The following CHSY1 variants were observed in gnomAD, a reference collection of about 807,000 sequenced individuals.
The protein encoded by CHSY1 is N-acetylgalactosaminyl-proteoglycan 3-beta-glucuronosyltransferase 1.
A neutral mutation model predicts 59.8 loss-of-function variants in CHSY1; 13 were observed. The observed-to-expected ratio is 0.22, with a 90% CI of 0.14 to 0.35. CHSY1 has a LOEUF of 0.35. Ranked by LOEUF, CHSY1 falls within the 10% of genes least tolerant of loss-of-function variation. The pLI, the probability that CHSY1 is intolerant of heterozygous loss-of-function variation, is 1.00. For synonymous variants in CHSY1, 459 were observed against 401.2 expected (o/e 1.14, Z -1.72); for missense variants, 947 against 1,030.6 (o/e 0.92, Z 1.11).
intron 2 of CHSY1, among the ~76,000 whole-genome samples, chr15:101,204,252 G>A (rs978853049): frequency 1.3e-5 from 2 of 151,964 alleles, no homozygotes; most frequent in Non-Finnish European, 1.5e-5. Flanking sequence ...TGGCCAATAT[G>A]GCGAAACCCC....
intron 2 of CHSY1, among the ~76,000 whole-genome samples, chr15:101,218,621 T>C (rs926904168): frequency 6.6e-6 from 1 of 152,042 alleles, no homozygotes; most frequent in African/African-American, 2.4e-5. Flanking sequence ...AAGTTAAACT[T>C]ACGTTAAAAC....
At chr15:101,206,427 G>T (rs1038924095) in intron 2 of CHSY1, among the ~76,000 whole-genome samples, 1 of 152,108 alleles carries the variant, frequency 6.6e-6, no homozygotes, top group African/African-American at 2.4e-5. Context: ...CACAGGCAGG[G>T]GTAGCAGCTC....
chr15:101,197,691 T>G (rs533695476), intron 2 of CHSY1, among the ~76,000 whole-genome samples: 84 of 152,330 alleles, frequency 5.5e-4, no homozygotes, highest in African/African-American at 1.9e-3. Context: ...TAAATTACTA[T>G]ACAGCAAAAC....
intron 2 of CHSY1, among the ~76,000 whole-genome samples, chr15:101,180,301 T>C (rs1045857474): frequency 6.6e-6 from 1 of 152,178 alleles, no homozygotes; most frequent in Non-Finnish European, 1.5e-5. Context: ...AGTCCGGTCT[T>C]AGAGCAAGAA....
rs543528849 is a variant in CHSY1 at position 101,209,720 on chromosome 15, G to T, written c.816+25362C>A. ...ATATTTTCTATGTTTAATTCTCAGG[G>T]CAGGTTATAAATAGTGAATCAGAAA... On this transcript the variant is annotated intron_variant, in intron 2 of 2. Coordinates refer to ENST00000254190, the MANE Select transcript of CHSY1 (RefSeq NM_014918.5). Among the ~76,000 whole-genome samples the T allele has an allele frequency of 2.0e-5, 3 of 152,296 alleles. No homozygotes were observed. The South Asian group carries it at 6.2e-4, about 32-fold the overall frequency.
At chr15:101,241,876 CCA>C (rs1482202257) in intron 1 of CHSY1, among the ~76,000 whole-genome samples, 6 of 152,288 alleles carry the variant, frequency 3.9e-5, no homozygotes, top group African/African-American at 1.4e-4. Context: ...ACCCCAAAAT[CCA>C]CAGACGCTTT....
At chr15:101,204,324 C>T (rs1225694823) in intron 2 of CHSY1, among the ~76,000 whole-genome samples, 1 of 150,910 alleles carries the variant, frequency 6.6e-6, no homozygotes, top group Non-Finnish European at 1.5e-5. Flanking sequence ...ATCCCAGCTA[C>T]TCGGGAGGGT....
Position 101,178,076 on chromosome 15 carries a change from G to C in CHSY1, c.1721C>G (p.Ser574Cys). The change falls in exon 3 of 3, where the codon TCT becomes TGT. Residue 574 changes from serine to cysteine, a missense_variant. Ser to Cys is a moderately radical substitution (Grantham distance 112). Coordinates refer to ENST00000254190, the MANE Select transcript of CHSY1 (RefSeq NM_014918.5). ...TTTGGCCTTGTCAGGGTTGGAGTCA[G>C]AATTGAAAAGCAGAACCACGAGCTT... ...NVKLVVLLFN[S>C]DSNPDKAKQV... 6.2e-7 allele frequency: 1 copy of C among 1,614,198 alleles called. No individual in the cohort carries two copies. Among genetic ancestry groups the C allele is most frequent in the Middle Eastern group, 1.6e-4 (1 of 6,062 alleles).
Position 101,178,995 on chromosome 15 carries a change from A to T in CHSY1, c.817-15T>A. ...AGCTGCTGCATCTGTTACAGGAAAA[A>T]AAAGAGATCACAAATTTAGTATTGT... On this transcript the variant is annotated splice_polypyrimidine_tract_variant and intron_variant, in intron 2 of 2. Coordinates refer to ENST00000254190, the MANE Select transcript of CHSY1 (RefSeq NM_014918.5). 1 of 1,613,088 alleles carries T rather than the reference A, an allele frequency of 6.2e-7. No individual in the cohort carries two copies. Among genetic ancestry groups the T allele is most frequent in the Admixed American group, 1.7e-5 (1 of 60,032 alleles).
rs752688876 is a variant in CHSY1 at position 101,243,037 on chromosome 15, A to G, written c.321-7460T>C. On this transcript the variant is annotated intron_variant, in intron 1 of 2. Transcript: ENST00000254190. Reference sequence around the variant, plus strand: ...TAGACTTGAGGGGAAAGCAAGCAGTAAAGAGCCCTTTTTTTTCTTAATTAA... The same window carrying G: ...TAGACTTGAGGGGAAAGCAAGCAGTGAAGAGCCCTTTTTTTTCTTAATTAA... 1.3e-3 allele frequency among the ~76,000 whole-genome samples: 191 copies of G among 152,330 alleles called. 1 individual carries two copies. The highest frequency in any genetic ancestry group is 2.0e-3 in the Non-Finnish European group (139 of 68,034).
chr15:101,221,714 T>G (rs1325948502), intron 2 of CHSY1, among the ~76,000 whole-genome samples: 4 of 152,180 alleles, frequency 2.6e-5, no homozygotes, highest in Non-Finnish European at 5.9e-5. Flanking sequence ...ATAAAAGTTG[T>G]GTCTTTAAAA....
intron 1 of CHSY1, among the ~76,000 whole-genome samples, chr15:101,248,054 T>A (rs562729758): frequency 1.2e-4 from 18 of 152,258 alleles, no homozygotes; most frequent in African/African-American, 2.4e-4. Context: ...TTGTTTTTTT[T>A]AAAAAACAAA....
intron 1 of CHSY1, among the ~76,000 whole-genome samples, chr15:101,238,579 TC>T (rs1301791330): frequency 6.6e-6 from 1 of 152,220 alleles, no homozygotes; most frequent in Non-Finnish European, 1.5e-5. Context: ...CCAATCATAA[TC>T]CCATGACGCC....
At chr15:101,208,484 G>A (rs1282257524) in intron 2 of CHSY1, among the ~76,000 whole-genome samples, 4 of 152,126 alleles carry the variant, frequency 2.6e-5, no homozygotes, top group African/African-American at 7.2e-5. Context: ...AACCCAAGGC[G>A]GGTGGATCAT....
chr15:101,227,612 G>A (rs561459009), intron 2 of CHSY1, among the ~76,000 whole-genome samples: 42 of 152,328 alleles, frequency 2.8e-4, no homozygotes, highest in Admixed American at 2.0e-4. Flanking sequence ...GTGGGAGTGT[G>A]TGCATGTTCA....
chr15:101,216,915 G>A (rs116050828), intron 2 of CHSY1, among the ~76,000 whole-genome samples: 66 of 152,290 alleles, frequency 4.3e-4, no homozygotes, highest in African/African-American at 1.5e-3. Flanking sequence ...TCAGGAGCGG[G>A]GGTCCCAGGA....
chr15:101,197,619 C>A (rs2038522358), intron 2 of CHSY1, among the ~76,000 whole-genome samples: 1 of 152,044 alleles, frequency 6.6e-6, no homozygotes, highest in South Asian at 2.1e-4. Flanking sequence ...AAATTATAAA[C>A]AATTTATAAT....
At chr15:101,185,133 T>C (rs911219236) in intron 2 of CHSY1, among the ~76,000 whole-genome samples, 1 of 152,222 alleles carries the variant, frequency 6.6e-6, no homozygotes. Flanking sequence ...GGTGTAGAGG[T>C]AGGGAAACAT....
intron 2 of CHSY1, among the ~76,000 whole-genome samples, chr15:101,199,891 T>C (rs1180613968): frequency 2.6e-5 from 4 of 152,186 alleles, no homozygotes; most frequent in Non-Finnish European, 5.9e-5. Context: ...AACAGCAGCG[T>C]ATGTTCATTT....
Sources: gnomAD v4.1 joint callset for allele counts (sites outside exome capture counted in the v4.1 genomes callset) on GRCh38, gnomAD v4.1.1 for gene constraint, MANE v1.5 for transcripts, NCBI Gene and HGNC (gene_info 2026-07-23, HGNC 2026-07-21) for gene names.